Variants in CDC42BPB observed in about 807,000 individuals in gnomAD.
CDC42BPB encodes serine/threonine-protein kinase MRCK beta.
A neutral mutation model predicts 214.9 loss-of-function variants in CDC42BPB; 37 were observed. The observed-to-expected ratio is 0.17, with a 90% CI of 0.13 to 0.23. The LOEUF (loss-of-function observed/expected upper bound fraction) is 0.23. CDC42BPB is among the 10% of genes least tolerant of loss of function. CDC42BPB has a pLI of 1.00. For synonymous variants in CDC42BPB, 931 were observed against 884.0 expected (o/e 1.05, Z -0.94); for missense variants, 1,694 against 2,227.0 (o/e 0.76, Z 4.82).
chr14:103,017,677 T>G (rs552153870), intron 1 of CDC42BPB, among the ~76,000 whole-genome samples: 5 of 151,538 alleles, frequency 3.3e-5, no homozygotes, highest in South Asian at 2.1e-4. Context: ...GTCTCCAAAC[T>G]GTCAGCCTGA....
At chr14:102,949,213 T>C (rs1892365154) in intron 26 of CDC42BPB, among the ~76,000 whole-genome samples, 1 of 152,170 alleles carries the variant, frequency 6.6e-6, no homozygotes, top group African/African-American at 2.4e-5. Context: ...CACTGTCCTC[T>C]TCTCACTAAC....
At chr14:103,025,731 T>G (rs1354364443) in intron 1 of CDC42BPB, among the ~76,000 whole-genome samples, 1 of 150,204 alleles carries the variant, frequency 6.7e-6, no homozygotes, top group Non-Finnish European at 1.5e-5. Context: ...GGCAGGAGAA[T>G]CGCTTGAACC....
intron 13 of CDC42BPB, among the ~76,000 whole-genome samples, chr14:102,971,649 T>C (rs1031185962): frequency 6.6e-6 from 1 of 152,220 alleles, no homozygotes; most frequent in Non-Finnish European, 1.5e-5. Flanking sequence ...CTTATTCACA[T>C]AAGCCAGGCT....
chr14:102,966,456 A>C, intron 17 of CDC42BPB, 69 bp from the exon 18 acceptor site: 1 of 1,590,300 alleles, frequency 6.3e-7, no homozygotes, highest in Non-Finnish European at 8.6e-7. Context: ...CAAGAAGGGG[A>C]CGTTCCCGCC....
intron 15 of CDC42BPB, 35 bp from the exon 16 acceptor site, chr14:102,968,393 C>T (rs773581512): frequency 6.2e-6 from 10 of 1,612,612 alleles, no homozygotes; most frequent in African/African-American, 1.3e-5. Context: ...TTTAAAAGCT[C>T]GTAACTTCAC....
In CDC42BPB at chr14:102,964,555, C is replaced by G; in HGVS notation, c.2673G>C (p.Gln891His). 1.2e-6 allele frequency: 2 copies of G among 1,613,952 alleles called. No individual in the cohort carries two copies. The highest frequency in any genetic ancestry group is 1.7e-6 in the Non-Finnish European group (2 of 1,180,008). Residue 891 changes from glutamine to histidine, a missense_variant, in exon 19 of 37, where the codon CAG (glutamine) becomes CAC (histidine). By Grantham distance (24) the Gln-to-His change is conservative. Coordinates refer to ENST00000361246, the MANE Select transcript of CDC42BPB (RefSeq NM_006035.4). ...CCTTCCTGAGCTCCTCCTGGACAAGCTGCTTGGCCCGGATCTCCGCCTCCA... is the reference window on the plus strand; with the variant it reads ...CCTTCCTGAGCTCCTCCTGGACAAGGTGCTTGGCCCGGATCTCCGCCTCCA... ...SALEAEIRAKQLVQEELRKVK... is the reference protein window; with the variant it reads ...SALEAEIRAKHLVQEELRKVK...
chr14:103,043,031 T>A (rs1183030513), intron 1 of CDC42BPB, among the ~76,000 whole-genome samples: 3 of 152,144 alleles, frequency 2.0e-5, no homozygotes, highest in Admixed American at 2.0e-4. Context: ...CCCAGGCAGG[T>A]GGATCACCTG....
intron 1 of CDC42BPB, among the ~76,000 whole-genome samples, chr14:103,052,292 C>T (rs1001659880): frequency 3.9e-5 from 6 of 152,216 alleles, no homozygotes; most frequent in African/African-American, 7.2e-5. Context: ...TAACATTTCC[C>T]TATAATTCAG....
rs762652734 is a variant in CDC42BPB, at chr14:102,950,448, G to A, written c.3309+18C>T. 2.2e-5 allele frequency: 35 copies of A among 1,612,012 alleles called. No homozygotes were observed. In the Middle Eastern group the frequency reaches 5.3e-4, roughly 24 times the overall value. On this transcript the variant is annotated intron_variant, in intron 25 of 36. Coordinates refer to ENST00000361246, the MANE Select transcript of CDC42BPB (RefSeq NM_006035.4). The stretch of plus-strand genomic sequence containing the variant: ...CTCACAGGCACCGAGGGCTGAGGGC[G>A]GAGATGAAGCCGCCTACCTTGACAT...
At chr14:102,990,323 T>C (rs1191002596) in intron 5 of CDC42BPB, among the ~76,000 whole-genome samples, 1 of 152,178 alleles carries the variant, frequency 6.6e-6, no homozygotes, top group Non-Finnish European at 1.5e-5. Flanking sequence ...AGGGGTGCAG[T>C]CCCAATGAGA....
intron 4 of CDC42BPB, 120 bp from the exon 5 acceptor site, chr14:102,999,833 A>C: frequency 6.7e-7 from 1 of 1,496,462 alleles, no homozygotes; most frequent in Non-Finnish European, 8.9e-7. Flanking sequence ...GTGGCATCTC[A>C]GCTGCTCTTC....
Position 102,978,344 on chromosome 14 carries a change from C to G in CDC42BPB, c.1141-139G>C. The G allele has an allele frequency of 2.7e-6, 4 of 1,492,282 alleles. No homozygotes were observed. In the South Asian group the frequency reaches 5.4e-5, roughly 20 times the overall value. The allele number at this position is 1,492,282 out of a possible 1,614,324, so 92.4% of individuals were successfully genotyped here. The stretch of plus-strand genomic sequence containing the variant: ...TGGAGAATGCGGATTCCATGGTGTC[C>G]TCTGCAGGGGAGATGAGTATAGCAG... On this transcript the variant is annotated intron_variant, in intron 8 of 36. Transcript: ENST00000361246.
chr14:102,978,009 T>A, intron 9 of CDC42BPB, 117 bp downstream of exon 9: 1 of 729,850 alleles, frequency 1.4e-6, no homozygotes, highest in South Asian at 1.7e-5. Context: ...CCTTAAGTAA[T>A]GGCCTCCCAG....
rs1170406298 is a variant in CDC42BPB, at chr14:102,932,885, G to GA, written c.*826_*827insT. 8.2e-6 allele frequency: 1 copy of GA among 122,530 alleles called. No individual in the cohort carries two copies. Among genetic ancestry groups the GA allele is most frequent in the Non-Finnish European group, 1.7e-5 (1 of 59,244 alleles). The allele number at this position is 122,530 out of a possible 1,614,324, so 7.6% of individuals were successfully genotyped here. Reference sequence around the variant, plus strand: ...CGGGGGCAGGACTGGTGGGGGGGGGGGCGGGCAGGGCGGGGCGGGGTGGGG... The same window carrying GA: ...CGGGGGCAGGACTGGTGGGGGGGGGGAGCGGGCAGGGCGGGGCGGGGTGGGG... On this transcript the variant is annotated 3_prime_UTR_variant, in exon 37 of 37. Coordinates refer to ENST00000361246, the MANE Select transcript of CDC42BPB (RefSeq NM_006035.4).
Position 103,057,210 on chromosome 14 carries a change from C to G in CDC42BPB, c.-37G>C. Reference sequence around the variant, plus strand: ...GCCCGCTCCCGACGCGCCGGCCTCTCACCGCCGGCTCGGCCAGTCCGTCAG... The same window carrying G: ...GCCCGCTCCCGACGCGCCGGCCTCTGACCGCCGGCTCGGCCAGTCCGTCAG... On this transcript the variant is annotated 5_prime_UTR_variant, in exon 1 of 37. Transcript: ENST00000361246. The G allele has an allele frequency of 7.5e-7, 1 of 1,327,456 alleles. No homozygotes were observed. The highest frequency in any genetic ancestry group is 1.8e-5 in the South Asian group (1 of 54,698). The allele number at this position is 1,327,456 out of a possible 1,614,324, so 82.2% of individuals were successfully genotyped here.
intron 1 of CDC42BPB, among the ~76,000 whole-genome samples, chr14:103,030,504 T>C (rs1180938564): frequency 1.3e-5 from 2 of 152,186 alleles, no homozygotes; most frequent in Non-Finnish European, 2.9e-5. Flanking sequence ...AAGACCAGCC[T>C]GGCCAACATG....
chr14:102,963,903 C>G (rs1893069571), intron 19 of CDC42BPB, among the ~76,000 whole-genome samples: 2 of 152,242 alleles, frequency 1.3e-5, no homozygotes, highest in Non-Finnish European at 2.9e-5. Context: ...CAGGTCCTCG[C>G]CTGCCTCATG....
intron 13 of CDC42BPB, 50 bp downstream of exon 13, chr14:102,971,869 G>A (rs773473829): frequency 7.7e-6 from 12 of 1,561,806 alleles, no homozygotes; most frequent in African/African-American, 1.4e-5. Flanking sequence ...TTTTATAAAA[G>A]TCACACAAAT....
At position 102,974,098 on chromosome 14, in the gene CDC42BPB, T is replaced by C; in HGVS notation, c.1559A>G (p.Glu520Gly). The C allele has an allele frequency of 6.2e-7, 1 of 1,614,030 alleles. No individual in the cohort carries two copies. The highest frequency in any genetic ancestry group is 8.5e-7 in the Non-Finnish European group (1 of 1,179,986). The change falls in exon 12 of 37, where the codon GAG becomes GGG. Residue 520 changes from glutamate to glycine, a missense_variant. Physicochemically the swap from Glu to Gly is moderately conservative, Grantham distance 98 (BLOSUM62 -2). Transcript: ENST00000361246. Reference sequence around the variant, plus strand: ...CAGCCGCTGCGTGGAGTCCTCACGCTCTTGGCGAAGCGCCACTGTGTCCTC... The same window carrying C: ...CAGCCGCTGCGTGGAGTCCTCACGCCCTTGGCGAAGCGCCACTGTGTCCTC... ...QLEDTVALRQ[E>G]REDSTQRLRG... is the part of the protein sequence containing the mutation.
Sources: allele counts gnomAD v4.1 joint callset (sites outside exome capture counted in the v4.1 genomes callset), GRCh38; gene constraint gnomAD v4.1.1; transcripts MANE v1.5; gene names NCBI Gene and HGNC (gene_info 2026-07-23, HGNC 2026-07-21).